The following CYP39A1 variants were observed in gnomAD, a reference collection of about 807,000 sequenced individuals.
CYP39A1 encodes the protein cytochrome P450 family 39 subfamily A member 1, also known as 24-hydroxycholesterol 7-alpha-hydroxylase.
In CYP39A1, 49 loss-of-function variants were observed where a neutral mutation model predicts 58.1. The ratio of observed to expected loss-of-function variants is 0.84; its 90% CI spans 0.67 to 1.07. CYP39A1 has a LOEUF of 1.07. Among genes scored for constraint, CYP39A1 ranks in the 50% least tolerant of loss-of-function variants. The pLI, the probability that CYP39A1 is intolerant of heterozygous loss-of-function variation, is 0.00. For synonymous variants in CYP39A1, 209 were observed against 187.6 expected, an observed-to-expected ratio of 1.11 and a Z score of -0.93; for missense variants, 531 against 539.4, an observed-to-expected ratio of 0.98 and a Z score of 0.16.
chr6:46,611,018 T>G (rs1774183733), intron 7 of CYP39A1, among the ~76,000 whole-genome samples: 1 of 152,150 alleles, frequency 6.6e-6, no homozygotes, highest in African/African-American at 2.4e-5. Context: ...ATAATAAGCC[T>G]AGAGATTGTC....
chr6:46,552,769 C>A (rs535346518), intron 11 of CYP39A1, among the ~76,000 whole-genome samples: 1 of 152,280 alleles, frequency 6.6e-6, no homozygotes, highest in South Asian at 2.1e-4. Context: ...GCAGCAGCGG[C>A]ATCACCTGGA....
At chr6:46,600,152 G>T (rs7745606) in intron 7 of CYP39A1, among the ~76,000 whole-genome samples, 18,885 of 150,558 alleles carry the variant, frequency 0.13, 1,199 homozygotes, top group Middle Eastern at 0.19. Flanking sequence ...TTTTTGACAT[G>T]GAGACTCGCT....
chr6:46,572,583 G>A (rs897535535), intron 10 of CYP39A1, among the ~76,000 whole-genome samples: 2 of 152,062 alleles, frequency 1.3e-5, no homozygotes, highest in African/African-American at 4.8e-5. Flanking sequence ...TTCTCTTGCT[G>A]CTTTTAAATT....
chr6:46,617,095 A>G lies in CYP39A1; in HGVS notation c.931+8323T>C, dbSNP rs776911941. On this transcript the variant is annotated intron_variant, in intron 7 of 11. Transcript: ENST00000275016. Reference sequence around the variant, plus strand: ...TAAACTACAGACCATCGCTCTGGTTAAAGTGCCCTGGTTAAGTGGCCCTTA... The same window carrying G: ...TAAACTACAGACCATCGCTCTGGTTGAAGTGCCCTGGTTAAGTGGCCCTTA... Among the ~76,000 whole-genome samples, 37 of 152,162 alleles carry G rather than the reference A, an allele frequency of 2.4e-4. 2 individuals are homozygous for G. Among genetic ancestry groups the G allele is most frequent in the East Asian group, 1.9e-4 (1 of 5,194 alleles).
At chr6:46,583,000 A>C (rs1772231931) in intron 10 of CYP39A1, 1 of 926,628 alleles carries the variant, frequency 1.1e-6, no homozygotes, top group Admixed American at 6.2e-5. Flanking sequence ...GATTTTAATT[A>C]ATTTTCCAAT....
chr6:46,631,386 G>C (rs1775652931), intron 5 of CYP39A1, among the ~76,000 whole-genome samples: 1 of 152,030 alleles, frequency 6.6e-6, no homozygotes, highest in Admixed American at 6.6e-5. Context: ...TTCATAATAT[G>C]GTACCTACCT....
chr6:46,603,326 C>A (rs1477874055), intron 7 of CYP39A1, among the ~76,000 whole-genome samples: 1 of 152,180 alleles, frequency 6.6e-6, no homozygotes, highest in African/African-American at 2.4e-5. Context: ...CAGAGGTCTC[C>A]ACAGGTAGCT....
chr6:46,574,635 G>A (rs1771758387), intron 10 of CYP39A1, among the ~76,000 whole-genome samples: 1 of 151,982 alleles, frequency 6.6e-6, no homozygotes, highest in Non-Finnish European at 1.5e-5. Flanking sequence ...GAAAGTCCAT[G>A]GGAGAAAAAA....
At chr6:46,581,692 G>T (rs572009623) in intron 10 of CYP39A1, among the ~76,000 whole-genome samples, 95 of 152,090 alleles carry the variant, frequency 6.2e-4, no homozygotes, top group African/African-American at 2.2e-3. Context: ...CTTACTACCT[G>T]GTTGACAAAT....
chr6:46,612,662 T>C lies in CYP39A1; in HGVS notation c.931+12756A>G, dbSNP rs1774285149. ...AGCCTCCCGAATCTCTGTGTTAGGTTCATAATGTCAGGCTACTGGTGGGAA... is the reference window on the plus strand; with the variant it reads ...AGCCTCCCGAATCTCTGTGTTAGGTCCATAATGTCAGGCTACTGGTGGGAA... On this transcript the variant is annotated intron_variant, in intron 7 of 11. Transcript: ENST00000275016. 2.0e-5 allele frequency among the ~76,000 whole-genome samples: 3 copies of C among 152,194 alleles called. No individual in the cohort carries two copies. The South Asian group carries it at 6.2e-4, about 31-fold the overall frequency.
intron 7 of CYP39A1, among the ~76,000 whole-genome samples, chr6:46,624,207 C>T (rs1048976114): frequency 4.6e-5 from 7 of 152,164 alleles, no homozygotes; most frequent in Non-Finnish European, 1.0e-4. Context: ...TTCCTAAAGC[C>T]ACAAATTTGG....
At chr6:46,623,541 G>C (rs540154409) in intron 7 of CYP39A1, among the ~76,000 whole-genome samples, 1 of 152,096 alleles carries the variant, frequency 6.6e-6, no homozygotes, top group Non-Finnish European at 1.5e-5. Context: ...AATCCACTGA[G>C]AGCCTGCATC....
chr6:46,583,522 T>C, intron 10 of CYP39A1: 1 of 985,426 alleles, frequency 1.0e-6, no homozygotes, highest in Non-Finnish European at 1.2e-6. Context: ...CTCTTCACTT[T>C]GCAAGCTACA....
chr6:46,636,129 C>T (rs1775970828), intron 5 of CYP39A1, among the ~76,000 whole-genome samples: 1 of 152,144 alleles, frequency 6.6e-6, no homozygotes, highest in Non-Finnish European at 1.5e-5. Flanking sequence ...TGTATGATAA[C>T]ACAGAAATCA....
chr6:46,591,753 T>C (rs1429234697), intron 8 of CYP39A1, among the ~76,000 whole-genome samples: 1 of 152,092 alleles, frequency 6.6e-6, no homozygotes, highest in East Asian at 1.9e-4. Flanking sequence ...CCACTTTTAG[T>C]CAGTCATCCC....
chr6:46,562,706 AGAAT>A (rs1254433949), intron 10 of CYP39A1, among the ~76,000 whole-genome samples: 2 of 152,140 alleles, frequency 1.3e-5, no homozygotes, highest in South Asian at 2.1e-4. Context: ...AATGAGGAAC[AGAAT>A]GAATAATAAA....
Position 46,600,873 on chromosome 6 carries a change from G to A in CYP39A1, c.932-4753C>T, listed in dbSNP as rs548154548. On this transcript the variant is annotated intron_variant, in intron 7 of 11. Coordinates refer to ENST00000275016, the MANE Select transcript of CYP39A1 (RefSeq NM_016593.5). ...CTGTGAGCCCTTACAACAAATTATC[G>A]AATCTAGAGAGGTGGTTGTGGAAAA... Among the ~76,000 whole-genome samples the A allele has an allele frequency of 1.4e-4, 21 of 152,154 alleles. No homozygotes were observed. In the South Asian group the frequency reaches 1.5e-3, roughly 11 times the overall value.
At chr6:46,550,462 T>C (rs1049359041) in intron 11 of CYP39A1, 25 bp from the exon 12 acceptor site, 8 of 1,598,454 alleles carry the variant, frequency 5.0e-6, no homozygotes, top group Admixed American at 1.7e-5. Flanking sequence ...GCAGAAGAAA[T>C]AGAAATTAAG....
chr6:46,572,371 C>T (rs985671192), intron 10 of CYP39A1, among the ~76,000 whole-genome samples: 8 of 152,094 alleles, frequency 5.3e-5, no homozygotes, highest in Non-Finnish European at 1.2e-4. Flanking sequence ...TGATGAACTC[C>T]TTCAGCTCTG....
Sources: allele counts gnomAD v4.1 joint callset (sites outside exome capture counted in the v4.1 genomes callset), GRCh38; gene constraint gnomAD v4.1.1; transcripts MANE v1.5; gene names NCBI Gene and HGNC (gene_info 2026-07-23, HGNC 2026-07-21).